The following CD5L variants were observed in gnomAD, a reference collection of about 807,000 sequenced individuals.
The protein encoded by CD5L is CD5 molecule like.
Under a neutral mutation model 40.8 loss-of-function variants are expected in CD5L, and 39 were observed. The observed-to-expected ratio is 0.96, with a 90% CI of 0.74 to 1.25. The LOEUF (loss-of-function observed/expected upper bound fraction) is 1.25. CD5L is among the 50% of genes most tolerant of loss of function. The probability of loss-of-function intolerance (pLI) is 0.00; values close to 1 mark genes in which losing one functional copy is unlikely to be tolerated. For missense variants in CD5L, 433 were observed against 435.9 expected (o/e 0.99, Z 0.06); for synonymous variants, 192 against 169.6 (o/e 1.13, Z -1.03).
chr1:157,828,793 G>T (rs1282397308), downstream of CD5L, among the ~76,000 whole-genome samples: 1 of 152,190 alleles, frequency 6.6e-6, no homozygotes, highest in Non-Finnish European at 1.5e-5. Context: ...TAAGCTAAAT[G>T]TTGGATTAAA....
chr1:157,835,471 G>A (rs982833162), intron 3 of CD5L, among the ~76,000 whole-genome samples: 81 of 152,170 alleles, frequency 5.3e-4, no homozygotes, highest in African/African-American at 2.0e-3. Flanking sequence ...TTTTTAAAAA[G>A]CATACATTAT....
chr1:157,827,642 C>T (rs1293176787), downstream of CD5L, among the ~76,000 whole-genome samples: 1 of 152,150 alleles, frequency 6.6e-6, no homozygotes, highest in Non-Finnish European at 1.5e-5. Context: ...ATGCAACATG[C>T]TTTACTCAAT....
chr1:157,833,482 TCTC>T lies in CD5L; in HGVS notation c.746_748del (p.Gly249del). 1 of 1,613,682 alleles carries T rather than the reference TCTC, an allele frequency of 6.2e-7. No individual in the cohort carries two copies. The stretch of plus-strand genomic sequence containing the variant: ...CTCCAGTCGCCCAGAGCAGAGGTTG[TCTC>T]CTCCTACTAGTCTCAAGTCAAAGGG... On this transcript the variant is annotated inframe_deletion, in exon 5 of 6. Coordinates refer to ENST00000368174, the MANE Select transcript of CD5L (RefSeq NM_005894.3).
intron 2 of CD5L, among the ~76,000 whole-genome samples, chr1:157,839,117 G>T (rs1656295933): frequency 6.6e-6 from 1 of 152,208 alleles, no homozygotes; most frequent in Non-Finnish European, 1.5e-5. Flanking sequence ...GACCTGAAAT[G>T]AACCCAGCTC....
rs1256179984 is a variant in CD5L at position 157,833,616 on chromosome 1, TTTGTTTTG to T, written c.719-112_719-105del. On this transcript the variant is annotated intron_variant, in intron 4 of 5. Coordinates refer to ENST00000368174, the MANE Select transcript of CD5L (RefSeq NM_005894.3). ...TTTTTCATTTTGTATTTTTTGTATG[TTTGTTTTG>T]AGACATCGTCTCACTCTGTTGCCCA... The T allele has an allele frequency of 2.1e-5, 20 of 949,676 alleles. No homozygotes were observed. In the Admixed American group the frequency reaches 5.5e-4, roughly 26 times the overall value. 58.8% of individuals were successfully genotyped at this position (949,676 alleles called of 1,614,324 possible).
At position 157,831,130 on chromosome 1, in the gene CD5L, T is replaced by C. The variant is rs1656035109; in HGVS notation, c.*834A>G. ...ACTTTCGCTTGGCATAAGACACAAC[T>C]TTAGCCCTCCCTGATCTCTTTCTGC... On this transcript the variant is annotated 3_prime_UTR_variant, in exon 6 of 6. Transcript: ENST00000368174. 1 of 985,286 alleles carries C rather than the reference T, an allele frequency of 1.0e-6. No individual in the cohort carries two copies. Among genetic ancestry groups the C allele is most frequent in the Admixed American group, 6.1e-5 (1 of 16,268 alleles). 61.0% of individuals were successfully genotyped at this position (985,286 alleles called of 1,614,324 possible).
chr1:157,831,981 G>T lies in CD5L; in HGVS notation c.1040-13C>A. The stretch of plus-strand genomic sequence containing the variant: ...CCAGGATACTATCCTATAAAGAGAA[G>T]AGGAAAATGCAGTAAGGATGGGTAT... On this transcript the variant is annotated splice_polypyrimidine_tract_variant and intron_variant, in intron 5 of 5. Coordinates refer to ENST00000368174, the MANE Select transcript of CD5L (RefSeq NM_005894.3). 1 of 1,579,436 alleles carries T rather than the reference G, an allele frequency of 6.3e-7. No individual in the cohort carries two copies. The highest frequency in any genetic ancestry group is 8.6e-7 in the Non-Finnish European group (1 of 1,161,758).
At chr1:157,832,344 C>T (rs1249597515) in intron 5 of CD5L, among the ~76,000 whole-genome samples, 3 of 152,224 alleles carry the variant, frequency 2.0e-5, no homozygotes, top group Non-Finnish European at 4.4e-5. Flanking sequence ...GGCTCAAACC[C>T]TAGCCTCCTG....
intron 2 of CD5L, among the ~76,000 whole-genome samples, chr1:157,836,999 G>A (rs1042461542): frequency 6.6e-6 from 1 of 152,190 alleles, no homozygotes; most frequent in African/African-American, 2.4e-5. Flanking sequence ...GCTCATGCCT[G>A]TAATCTTAGC....
intron 2 of CD5L, among the ~76,000 whole-genome samples, chr1:157,838,151 G>C (rs1466687864): frequency 6.6e-6 from 1 of 151,922 alleles, no homozygotes; most frequent in African/African-American, 2.4e-5. Flanking sequence ...TCTTTCCTTT[G>C]CTTAAATTTT....
chr1:157,835,944 G>T lies in CD5L; in HGVS notation c.267C>A (p.Val89=). Residue 89 remains valine (V), a synonymous_variant, in exon 3 of 6, where the codon GTC becomes GTA. Coordinates refer to ENST00000368174, the MANE Select transcript of CD5L (RefSeq NM_005894.3). ...YEPPAEKEQK[V]LIQSVSCTGT... ...CTGTGCAACTGACTGATTGGATGAG[G>T]ACCTTTTGCTCTTTTTCTGCTGGTG... 1 of 1,614,164 alleles carries T rather than the reference G, an allele frequency of 6.2e-7. No individual in the cohort carries two copies. The highest frequency in any genetic ancestry group is 8.5e-7 in the Non-Finnish European group (1 of 1,180,014).
chr1:157,832,689 G>A (rs1418409502), intron 5 of CD5L, among the ~76,000 whole-genome samples: 1 of 152,164 alleles, frequency 6.6e-6, no homozygotes, highest in African/African-American at 2.4e-5. Flanking sequence ...AAATCTAGGA[G>A]TGATGACAAA....
rs575235803 is a variant in CD5L, at chr1:157,832,891, T to C, written c.1039+301A>G. 8.3e-4 allele frequency among the ~76,000 whole-genome samples: 127 copies of C among 152,326 alleles called. 2 individuals are homozygous for C. In the South Asian group the frequency reaches 0.026, roughly 31 times the overall value. ...CACTTTATGTTTACTATGTTTAATATAAAAATGTTGGTGAAATAATTTTCA... is the reference window on the plus strand; with the variant it reads ...CACTTTATGTTTACTATGTTTAATACAAAAATGTTGGTGAAATAATTTTCA... On this transcript the variant is annotated intron_variant, in intron 5 of 5. Transcript: ENST00000368174.
At chr1:157,834,150 A>T (rs184375094) in intron 4 of CD5L, among the ~76,000 whole-genome samples, 1 of 152,334 alleles carries the variant, frequency 6.6e-6, no homozygotes, top group Admixed American at 6.5e-5. Context: ...AAAAAGATGT[A>T]CCTTGTTCCT....
chr1:157,833,336 T>C lies in CD5L; in HGVS notation c.895A>G (p.Lys299Glu). The C allele has an allele frequency of 6.2e-7, 1 of 1,614,160 alleles. No individual in the cohort carries two copies. Among genetic ancestry groups the C allele is most frequent in the Non-Finnish European group, 8.5e-7 (1 of 1,180,036 alleles). ...CGGCCAACCCCAGGGCCATAGCATT[T>C]CCGGTCTCTGAAGGAGGGAGAGAGG... ...KSLSPSFRDR[K>E]CYGPGVGRIW... The change falls in exon 5 of 6, where the codon AAA becomes GAA. Residue 299 changes from lysine (K) to glutamate (E), a missense_variant. By Grantham distance (56) the Lys-to-Glu change is moderately conservative. Transcript: ENST00000368174.
At chr1:157,828,062 G>A (rs998461400), downstream of CD5L, among the ~76,000 whole-genome samples, 1 of 152,182 alleles carries the variant, frequency 6.6e-6, no homozygotes, top group Non-Finnish European at 1.5e-5. Flanking sequence ...CTTTGATGGA[G>A]GAAGGAAAGA....
Position 157,833,491 on chromosome 1 carries a change from A to C in CD5L, c.740T>G (p.Val247Gly). Residue 247 changes from valine (V) to glycine (G), a missense_variant, in exon 5 of 6, where the codon GTA (valine) becomes GGA (glycine). Transcript: ENST00000368174. ...CCCAGAGCAGAGGTTGTCTCCTCCT[A>C]CTAGTCTCAAGTCAAAGGGATCTGC... is the stretch of plus-strand genomic sequence containing the variant. ...ECEDPFDLRL[V>G]GGDNLCSGRL... 1 of 1,612,404 alleles carries C rather than the reference A, an allele frequency of 6.2e-7. No individual in the cohort carries two copies.
downstream of CD5L, among the ~76,000 whole-genome samples, chr1:157,828,512 C>A (rs1655961363): frequency 6.6e-6 from 1 of 152,150 alleles, no homozygotes; most frequent in African/African-American, 2.4e-5. Context: ...ACAGGAGCAA[C>A]TCTCAATCAA....
intron 3 of CD5L, 28 bp from the exon 4 acceptor site, chr1:157,834,776 G>C: frequency 1.3e-6 from 2 of 1,569,994 alleles, no homozygotes; most frequent in Non-Finnish European, 8.7e-7. Context: ...GAGCGTGTCT[G>C]TTCTCTGCCA....
Sources: allele counts gnomAD v4.1 joint callset (sites outside exome capture counted in the v4.1 genomes callset), GRCh38; gene constraint gnomAD v4.1.1; transcripts MANE v1.5; gene names NCBI Gene and HGNC (gene_info 2026-07-23, HGNC 2026-07-21).